Variants in CNTN1 observed in about 807,000 individuals in gnomAD.
CNTN1 encodes the protein contactin-1.
A neutral mutation model predicts 126.4 loss-of-function variants in CNTN1; 38 were observed. That is an observed-to-expected ratio of 0.30 (90% CI 0.23 to 0.39). The LOEUF (loss-of-function observed/expected upper bound fraction) is 0.39. Among genes scored for constraint, CNTN1 ranks in the 10% least tolerant of loss-of-function variants. The probability of loss-of-function intolerance (pLI) is 1.00; values close to 1 mark genes in which losing one functional copy is unlikely to be tolerated. For synonymous variants in CNTN1, 413 were observed against 422.6 expected, an observed-to-expected ratio of 0.98 and a Z score of 0.28; for missense variants, 1,009 against 1,248.4, an observed-to-expected ratio of 0.81 and a Z score of 2.89.
At chr12:40,787,818 T>C (rs1940083402) in intron 1 of CNTN1, among the ~76,000 whole-genome samples, 1 of 152,190 alleles carries the variant, frequency 6.6e-6, no homozygotes. Context: ...GTGATTCATC[T>C]GGAATTTAAC....
chr12:40,864,019 C>CTTTTT (rs71434336), intron 1 of CNTN1, among the ~76,000 whole-genome samples: 2 of 92,584 alleles, frequency 2.2e-5, no homozygotes, highest in Non-Finnish European at 4.1e-5. Context: ...CTCTGCTTTC[C>CTTTTT]TTTTTTTTTT....
At chr12:40,730,246 T>TAC (rs1410632036) in intron 1 of CNTN1, among the ~76,000 whole-genome samples, 1 of 152,248 alleles carries the variant, frequency 6.6e-6, no homozygotes, top group Non-Finnish European at 1.5e-5. Flanking sequence ...AATTTTGTAG[T>TAC]ACACTGCTAT....
At chr12:40,956,165 A>G (rs1946872348) in intron 14 of CNTN1, among the ~76,000 whole-genome samples, 1 of 152,126 alleles carries the variant, frequency 6.6e-6, no homozygotes, top group South Asian at 2.1e-4. Flanking sequence ...AATTCTTGAC[A>G]ATTTGACAAG....
rs549145573 is a variant in CNTN1 at position 40,856,467 on chromosome 12, A to G, written c.-76-51890A>G. On this transcript the variant is annotated intron_variant, in intron 1 of 23. Coordinates refer to ENST00000551295, the MANE Select transcript of CNTN1 (RefSeq NM_001843.4). ...AGGGAAATAGAATGATTTGCCTGGT[A>G]TCTGGAGATAATGAGTTTATAGGGC... Among the ~76,000 whole-genome samples, 14 of 152,232 alleles carry G rather than the reference A, an allele frequency of 9.2e-5. No individual in the cohort carries two copies. The East Asian group carries it at 2.7e-3, about 29-fold the overall frequency.
chr12:41,042,495 C>G (rs1211039668), intron 23 of CNTN1, among the ~76,000 whole-genome samples: 4 of 152,020 alleles, frequency 2.6e-5, no homozygotes, highest in Admixed American at 6.6e-5. Context: ...TCTCGTTGAT[C>G]TGTCTAATGT....
intron 1 of CNTN1, among the ~76,000 whole-genome samples, chr12:40,808,188 G>A (rs1314178006): frequency 6.6e-6 from 1 of 152,170 alleles, no homozygotes; most frequent in Non-Finnish European, 1.5e-5. Context: ...AAAATTTTGA[G>A]TTGACTGTGT....
chr12:40,883,968 A>T (rs1308525616), intron 1 of CNTN1, among the ~76,000 whole-genome samples: 1 of 151,572 alleles, frequency 6.6e-6, no homozygotes, highest in African/African-American at 2.4e-5. Flanking sequence ...ATCATAGGAA[A>T]ATGTGGATAT....
At chr12:40,950,100 GTGTGTGTGTGTGTGT>G (rs1566019889) in intron 14 of CNTN1, among the ~76,000 whole-genome samples, 302 of 7,612 alleles carry the variant, frequency 0.04, 1 homozygote, top group African/African-American at 0.16. Flanking sequence ...TTGAGAGGGT[GTGTGTGTGTGTGTGT>G]GTGTGTGTGT....
chr12:40,718,804 T>G (rs529701960), intron 1 of CNTN1, among the ~76,000 whole-genome samples: 1 of 152,198 alleles, frequency 6.6e-6, no homozygotes, highest in Non-Finnish European at 1.5e-5. Flanking sequence ...ACGTCACACC[T>G]GCCCTTCAAA....
At chr12:41,038,893 T>A (rs910063928) in intron 23 of CNTN1, among the ~76,000 whole-genome samples, 1 of 152,018 alleles carries the variant, frequency 6.6e-6, no homozygotes, top group Non-Finnish European at 1.5e-5. Flanking sequence ...AAGGAAATGC[T>A]TGAAAAAAAA....
chr12:41,024,464 G>C (rs1053370364), intron 20 of CNTN1, among the ~76,000 whole-genome samples: 3 of 151,898 alleles, frequency 2.0e-5, no homozygotes, highest in African/African-American at 7.3e-5. Flanking sequence ...TAAACTTTAA[G>C]AGAAAAGTAA....
At chr12:40,707,230 T>TTC in intron 1 of CNTN1, among the ~76,000 whole-genome samples, 1 of 1,538 alleles carries the variant, frequency 6.5e-4, no homozygotes, top group African/African-American at 9.9e-4. Context: ...TCTTTTTCTT[T>TTC]TTTTTTTTTT....
chr12:40,822,720 T>C (rs530885392), intron 1 of CNTN1, among the ~76,000 whole-genome samples: 8 of 152,300 alleles, frequency 5.3e-5, no homozygotes, highest in Admixed American at 2.0e-4. Flanking sequence ...AAAAAATCTA[T>C]AGAATAAGGT....
intron 19 of CNTN1, among the ~76,000 whole-genome samples, chr12:41,017,829 C>T (rs907626999): frequency 2.0e-4 from 30 of 151,816 alleles, no homozygotes; most frequent in African/African-American, 5.8e-4. Context: ...TGGTGGCTCA[C>T]GCCTGTAATC....
At chr12:41,057,387 T>C (rs932716805) in intron 23 of CNTN1, among the ~76,000 whole-genome samples, 3 of 151,664 alleles carry the variant, frequency 2.0e-5, no homozygotes, top group Non-Finnish European at 4.4e-5. Context: ...TAAATAACAC[T>C]TAAAAATCTC....
At chr12:40,959,025 T>C (rs984749031) in intron 14 of CNTN1, 89 bp from the exon 15 acceptor site, 2 of 1,522,514 alleles carry the variant, frequency 1.3e-6, no homozygotes, top group Non-Finnish European at 1.8e-6. Context: ...GTTCATTTTG[T>C]TAGGGGAAAA....
At chr12:40,955,123 T>C (rs1946828053) in intron 14 of CNTN1, among the ~76,000 whole-genome samples, 1 of 151,998 alleles carries the variant, frequency 6.6e-6, no homozygotes, top group South Asian at 2.1e-4. Context: ...GATTTTCCAG[T>C]ATGACCCAAC....
At chr12:40,724,018 G>C (rs1193110454) in intron 1 of CNTN1, among the ~76,000 whole-genome samples, 1 of 151,798 alleles carries the variant, frequency 6.6e-6, no homozygotes, top group Non-Finnish European at 1.5e-5. Flanking sequence ...TATAAAGACT[G>C]GATTCATTAT....
At chr12:40,903,451 CA>C (rs1565913668) in intron 1 of CNTN1, among the ~76,000 whole-genome samples, 2 of 137,934 alleles carry the variant, frequency 1.4e-5, no homozygotes, top group African/African-American at 5.3e-5. Flanking sequence ...CCATGGAGGT[CA>C]GGGGGCTAGC....
Sources: gnomAD v4.1 joint callset for allele counts (sites outside exome capture counted in the v4.1 genomes callset) on GRCh38, gnomAD v4.1.1 for gene constraint, MANE v1.5 for transcripts, NCBI Gene and HGNC (gene_info 2026-07-23, HGNC 2026-07-21) for gene names.